The following PUS7 variants were observed in gnomAD, a reference collection of about 807,000 sequenced individuals.
The protein encoded by PUS7 is pseudouridine synthase 7.
Under a neutral mutation model 79.8 loss-of-function variants are expected in PUS7, and 48 were observed. That is an observed-to-expected ratio of 0.60 (90% CI 0.48 to 0.76). The LOEUF (loss-of-function observed/expected upper bound fraction) is 0.76, where lower values mean the gene tolerates loss of function less well. PUS7 is among the 30% of genes least tolerant of loss of function. PUS7 has a pLI of 0.00. For synonymous variants in PUS7, 286 were observed against 272.2 expected (o/e 1.05, Z -0.50); for missense variants, 729 against 797.6 (o/e 0.91, Z 1.04).
intron 13 of PUS7, among the ~76,000 whole-genome samples, chr7:105,463,848 T>A (rs530352237): frequency 1.3e-5 from 2 of 152,356 alleles, no homozygotes; most frequent in African/African-American, 4.8e-5. Context: ...TAGAATATTA[T>A]GCAATTCTTA....
chr7:105,521,881 C>T (rs1029471505), intron 1 of PUS7, among the ~76,000 whole-genome samples, 171 bp downstream of exon 1: 3 of 151,882 alleles, frequency 2.0e-5, no homozygotes, highest in African/African-American at 7.2e-5. Flanking sequence ...AACCGTGCTC[C>T]CGCTGGCACG....
At chr7:105,459,080 T>TGTAA in intron 15 of PUS7, 88 bp downstream of exon 15, 1 of 712,544 alleles carries the variant, frequency 1.4e-6, no homozygotes, top group Non-Finnish European at 2.3e-6. Context: ...TGGTAGTGCT[T>TGTAA]GTAAGAGCAG....
intron 11 of PUS7, among the ~76,000 whole-genome samples, chr7:105,469,563 G>A (rs189840681): frequency 2.6e-5 from 4 of 152,296 alleles, no homozygotes. Context: ...GGGTTCAAGC[G>A]ATTCTCCTGC....
At chr7:105,471,463 C>T (rs994628271) in intron 10 of PUS7, among the ~76,000 whole-genome samples, 3 of 152,142 alleles carry the variant, frequency 2.0e-5, no homozygotes, top group South Asian at 2.1e-4. Context: ...AATATATATT[C>T]ATTTTTAAAA....
intron 4 of PUS7, among the ~76,000 whole-genome samples, chr7:105,505,288 C>A (rs934878486): frequency 1.3e-5 from 2 of 152,180 alleles, no homozygotes; most frequent in African/African-American, 4.8e-5. Context: ...CAGGTGTGAG[C>A]CACCGTGCCC....
intron 2 of PUS7, among the ~76,000 whole-genome samples, chr7:105,506,863 G>A (rs546571272): frequency 2.6e-5 from 4 of 152,208 alleles, no homozygotes; most frequent in South Asian, 4.1e-4. Context: ...ACCCTATGAC[G>A]ATTCAGGCAG....
chr7:105,460,670 A>C (rs886431231), intron 14 of PUS7, among the ~76,000 whole-genome samples: 13 of 150,958 alleles, frequency 8.6e-5, no homozygotes, highest in East Asian at 2.0e-4. Context: ...CTGGCTAACA[A>C]GGTGAAACCC....
rs565430451 is a variant in PUS7 at position 105,481,453 on chromosome 7, C to T, written c.1050-276G>A. On this transcript the variant is annotated intron_variant, in intron 8 of 15. Coordinates refer to ENST00000469408, the MANE Select transcript of PUS7 (RefSeq NM_019042.5). ...TTGAATTTTTGCAATCAGACCTTGGCGATGACCTTGAGCAGTAGGATATAA... is the reference window on the plus strand; with the variant it reads ...TTGAATTTTTGCAATCAGACCTTGGTGATGACCTTGAGCAGTAGGATATAA... Among the ~76,000 whole-genome samples, 9 of 152,230 alleles carry T rather than the reference C, an allele frequency of 5.9e-5. No individual in the cohort carries two copies. The East Asian group carries it at 1.5e-3, about 26-fold the overall frequency.
intron 4 of PUS7, among the ~76,000 whole-genome samples, chr7:105,503,006 A>G (rs1240900025): frequency 1.3e-5 from 2 of 152,142 alleles, no homozygotes; most frequent in African/African-American, 4.8e-5. Flanking sequence ...AGTCTCAAAA[A>G]TATTTCAGAG....
intron 6 of PUS7, among the ~76,000 whole-genome samples, chr7:105,492,372 TG>T (rs773267023): frequency 6.6e-6 from 1 of 151,950 alleles, no homozygotes; most frequent in Non-Finnish European, 1.5e-5. Context: ...TCACCCAGGC[TG>T]GAGTGCAGCG....
chr7:105,514,246 T>A (rs711434), intron 1 of PUS7, among the ~76,000 whole-genome samples: 15,402 of 109,652 alleles, frequency 0.14, 1,110 homozygotes, highest in African/African-American at 0.28. Flanking sequence ...AAAAAAAAAA[T>A]AGTTATTATG....
chr7:105,475,239 G>A (rs939605947), intron 9 of PUS7, among the ~76,000 whole-genome samples: 5 of 152,068 alleles, frequency 3.3e-5, no homozygotes, highest in Non-Finnish European at 7.4e-5. Context: ...AGGCTAGAGT[G>A]CAGTGGCACG....
chr7:105,460,914 C>G (rs1254355368), intron 14 of PUS7, among the ~76,000 whole-genome samples: 1 of 151,098 alleles, frequency 6.6e-6, no homozygotes, highest in African/African-American at 2.4e-5. Context: ...GTCACCCAGG[C>G]TGGAGGGCAG....
chr7:105,520,519 AAAATAAATAAATAAATAAATAAAT>A (rs139684453), intron 1 of PUS7, among the ~76,000 whole-genome samples: 29 of 140,656 alleles, frequency 2.1e-4, no homozygotes, highest in Admixed American at 5.9e-4. Context: ...AGACTGTCTC[AAAATAAATAAATAAATAAATAAAT>A]AAATAAATAA....
At chr7:105,465,875 GGGCCA>G (rs1461450694) in intron 12 of PUS7, among the ~76,000 whole-genome samples, 1 of 148,534 alleles carries the variant, frequency 6.7e-6, no homozygotes, top group East Asian at 2.1e-4. Context: ...AATTAAGCTG[GGGCCA>G]GGAGCAGTGG....
chr7:105,478,266 G>T (rs552220221), intron 9 of PUS7, among the ~76,000 whole-genome samples: 3 of 152,258 alleles, frequency 2.0e-5, no homozygotes, highest in African/African-American at 7.2e-5. Context: ...GTTGTTTCCA[G>T]TCTTTTGGCT....
chr7:105,500,975 T>A (rs1007581292), intron 5 of PUS7, among the ~76,000 whole-genome samples: 1 of 152,224 alleles, frequency 6.6e-6, no homozygotes, highest in Non-Finnish European at 1.5e-5. Context: ...CTGGCTTTTC[T>A]TTACAGTGTT....
At chr7:105,500,590 T>C (rs1485578152) in intron 5 of PUS7, among the ~76,000 whole-genome samples, 1 of 152,214 alleles carries the variant, frequency 6.6e-6, no homozygotes, top group Non-Finnish European at 1.5e-5. Context: ...GCCTTCATAA[T>C]GGGCAGCACT....
intron 1 of PUS7, among the ~76,000 whole-genome samples, chr7:105,515,983 G>GT (rs973432375): frequency 6.6e-6 from 1 of 151,802 alleles, no homozygotes; most frequent in African/African-American, 2.4e-5. Context: ...CTAATTTTTT[G>GT]TATTTTTACT....
Sources: gnomAD v4.1 joint callset for allele counts (sites outside exome capture counted in the v4.1 genomes callset) on GRCh38, gnomAD v4.1.1 for gene constraint, MANE v1.5 for transcripts, NCBI Gene and HGNC (gene_info 2026-07-23, HGNC 2026-07-21) for gene names.